Variants in DIP2C observed in about 807,000 individuals in gnomAD.
DIP2C encodes the protein disco-interacting protein 2 homolog C.
A neutral mutation model predicts 192.4 loss-of-function variants in DIP2C; 33 were observed. The ratio of observed to expected loss-of-function variants is 0.17; its 90% confidence interval spans 0.13 to 0.23. The LOEUF (loss-of-function observed/expected upper bound fraction) is 0.23. Among genes scored for constraint, DIP2C ranks in the 10% least tolerant of loss-of-function variants. The pLI is 1.00. For synonymous variants in DIP2C, 979 were observed against 864.1 expected, an observed-to-expected ratio of 1.13 and a Z score of -2.33; for missense variants, 1,537 against 2,110.1, an observed-to-expected ratio of 0.73 and a Z score of 5.32.
rs1485548791 is a variant in DIP2C at position 638,580 on chromosome 10, G to A, written c.85+50914C>T. ...AAGACATAACATAAATAAGTGCATCGCCTCAAGCACTATCACCTAGAACTT... is the reference window on the plus strand; with the variant it reads ...AAGACATAACATAAATAAGTGCATCACCTCAAGCACTATCACCTAGAACTT... On this transcript the variant is annotated intron_variant, in intron 1 of 36. Coordinates refer to ENST00000280886, the MANE Select transcript of DIP2C (RefSeq NM_014974.3). 3.3e-5 allele frequency among the ~76,000 whole-genome samples: 5 copies of A among 152,116 alleles called. No individual in the cohort carries two copies. The East Asian group carries it at 9.6e-4, about 29-fold the overall frequency.
At chr10:548,217 C>CCCCCCCA (rs1554897846) in intron 1 of DIP2C, among the ~76,000 whole-genome samples, 1 of 129,732 alleles carries the variant, frequency 7.7e-6, no homozygotes. Flanking sequence ...CACCCCCCCC[C>CCCCCCCA]CCACAGGAAA....
intron 2 of DIP2C, among the ~76,000 whole-genome samples, chr10:477,757 G>A (rs115833162): frequency 0.02 from 2,020 of 100,512 alleles, 61 homozygotes; most frequent in African/African-American, 0.057. Flanking sequence ...AAGAAAAGGA[G>A]AGAGAAGAAA....
At chr10:489,160 A>C (rs1844241721) in intron 1 of DIP2C, among the ~76,000 whole-genome samples, 1 of 152,132 alleles carries the variant, frequency 6.6e-6, no homozygotes, top group Non-Finnish European at 1.5e-5. Flanking sequence ...CATGGCTCAC[A>C]AACTCCTGCT....
chr10:623,209 G>A (rs1218690878), intron 1 of DIP2C, among the ~76,000 whole-genome samples: 1 of 151,588 alleles, frequency 6.6e-6, no homozygotes. Context: ...AGATGGATGT[G>A]TGCCGAGGGG....
rs752496421 is a variant in DIP2C at position 363,438 on chromosome 10, G to A, written c.2478-127C>T. Reference sequence around the variant, plus strand: ...CTCCAACTACGACTTCAAAACGGCCGCTGTACTTCCGAATTTCCCCACACT... The same window carrying A: ...CTCCAACTACGACTTCAAAACGGCCACTGTACTTCCGAATTTCCCCACACT... On this transcript the variant is annotated intron_variant, in intron 20 of 36. Coordinates refer to ENST00000280886, the MANE Select transcript of DIP2C (RefSeq NM_014974.3). The surrounding 1 kb of genome is among the most constrained non-coding windows in gnomAD (Gnocchi z 5.4). The A allele has an allele frequency of 1.4e-5, 11 of 759,734 alleles. No homozygotes were observed. Among genetic ancestry groups the A allele is most frequent in the Non-Finnish European group, 2.2e-5 (10 of 463,708 alleles). 47.1% of individuals were successfully genotyped at this position (759,734 alleles called of 1,614,324 possible).
At chr10:611,046 G>A (rs1359912952) in intron 1 of DIP2C, among the ~76,000 whole-genome samples, 1 of 151,670 alleles carries the variant, frequency 6.6e-6, no homozygotes, top group African/African-American at 2.4e-5. Flanking sequence ...GACTCACGGG[G>A]GTGCTTTCTA....
chr10:592,723 C>T (rs1394429128), intron 1 of DIP2C, among the ~76,000 whole-genome samples: 1 of 152,098 alleles, frequency 6.6e-6, no homozygotes, highest in African/African-American at 2.4e-5. Flanking sequence ...TATGAAAATT[C>T]TAAAAATGTG....
At chr10:659,397 T>C (rs1316764707) in intron 1 of DIP2C, among the ~76,000 whole-genome samples, 1 of 152,202 alleles carries the variant, frequency 6.6e-6, no homozygotes, top group East Asian at 1.9e-4. Context: ...CACATACATA[T>C]ATACACCCCT....
chr10:291,458 C>T (rs1955494204), intron 32 of DIP2C, among the ~76,000 whole-genome samples: 1 of 152,226 alleles, frequency 6.6e-6, no homozygotes, highest in Non-Finnish European at 1.5e-5. Context: ...ACAATATCCA[C>T]ACAGCCAAGA....
chr10:531,317 G>A lies in DIP2C; in HGVS notation c.86-44787C>T, dbSNP rs1369225070. The stretch of plus-strand genomic sequence containing the variant: ...TCCACGAACCTGATGAACACACACA[G>A]CGAACAAACTCCCGTGTGTTTAAAT... On this transcript the variant is annotated intron_variant, in intron 1 of 36. Transcript: ENST00000280886. Among the ~76,000 whole-genome samples, 5 of 152,034 alleles carry A rather than the reference G, an allele frequency of 3.3e-5. No homozygotes were observed. The East Asian group carries it at 9.7e-4, about 29-fold the overall frequency.
At chr10:367,222 C>T (rs1960356571) in intron 18 of DIP2C, among the ~76,000 whole-genome samples, 1 of 152,126 alleles carries the variant, frequency 6.6e-6, no homozygotes, top group African/African-American at 2.4e-5. Flanking sequence ...TCGAGACCAT[C>T]CTGGCTAACA....
At chr10:365,746 G>A (rs759698116) in intron 19 of DIP2C, among the ~76,000 whole-genome samples, 80 of 152,276 alleles carry the variant, frequency 5.3e-4, no homozygotes, top group South Asian at 1.2e-3. Context: ...CATTACACAC[G>A]CATCTGTGTA....
chr10:610,646 C>A (rs932720580), intron 1 of DIP2C, among the ~76,000 whole-genome samples: 2 of 152,248 alleles, frequency 1.3e-5, no homozygotes, highest in Admixed American at 1.3e-4. Context: ...GGGAGCCAGA[C>A]ATGGTGTGGC....
At position 476,720 on chromosome 10, in the gene DIP2C, C is replaced by T. The variant is rs200956513; in HGVS notation, c.158-4171G>A. 2.2e-4 allele frequency among the ~76,000 whole-genome samples: 33 copies of T among 152,254 alleles called. 1 individual carries two copies. The East Asian group carries it at 5.6e-3, about 26-fold the overall frequency. On this transcript the variant is annotated intron_variant, in intron 2 of 36. Transcript: ENST00000280886. ...TTCTCCTGGTACCTGCAGTGGTGTCCAGAGCCTCAATCTCTGTTACAAGAA... is the reference window on the plus strand; with the variant it reads ...TTCTCCTGGTACCTGCAGTGGTGTCTAGAGCCTCAATCTCTGTTACAAGAA...
At chr10:621,862 T>C (rs1365375162) in intron 1 of DIP2C, among the ~76,000 whole-genome samples, 1 of 152,120 alleles carries the variant, frequency 6.6e-6, no homozygotes, top group Non-Finnish European at 1.5e-5. Context: ...GAGGATGTCA[T>C]TCGCTGATAA....
intron 1 of DIP2C, among the ~76,000 whole-genome samples, chr10:525,996 C>T (rs186085502): frequency 8.3e-4 from 126 of 152,356 alleles, no homozygotes; most frequent in African/African-American, 3.0e-3. Context: ...AACCCCCGCA[C>T]ACCACCTCCT....
intron 17 of DIP2C, among the ~76,000 whole-genome samples, chr10:370,750 C>T (rs1383369039): frequency 6.6e-6 from 1 of 152,212 alleles, no homozygotes; most frequent in African/African-American, 2.4e-5. Flanking sequence ...ATTTATAAAT[C>T]TTTAACGCAC....
Position 422,870 on chromosome 10 carries a change from G to A in DIP2C, c.558C>T (p.Ser186=), listed in dbSNP as rs566293462. Reference sequence around the variant, plus strand: ...CGTCCGCCAGCCTGTGGGCAGCCCCGCTGCCCCCGCTCTGCGTAGAGGACG... The same window carrying A: ...CGTCCGCCAGCCTGTGGGCAGCCCCACTGCCCCCGCTCTGCGTAGAGGACG... The part of the protein sequence containing the change: ...TSSSSTQSGG[S]GAAHRLADVM... The change falls in exon 5 of 37, where the codon AGC becomes AGT. Residue 186 remains serine (S), a synonymous_variant. Transcript: ENST00000280886. The A allele has an allele frequency of 4.5e-4, 723 of 1,613,154 alleles. 8 individuals carry two copies. The South Asian group carries it at 7.3e-3, about 16-fold the overall frequency.
At position 515,878 on chromosome 10, in the gene DIP2C, C is replaced by T. The variant is rs567708703; in HGVS notation, c.86-29348G>A. Among the ~76,000 whole-genome samples, 108 of 152,198 alleles carry T rather than the reference C, an allele frequency of 7.1e-4. 1 individual carries two copies. The highest frequency in any genetic ancestry group is 1.2e-3 in the Non-Finnish European group (80 of 68,020). On this transcript the variant is annotated intron_variant, in intron 1 of 36. Coordinates refer to ENST00000280886, the MANE Select transcript of DIP2C (RefSeq NM_014974.3). ...CTCTAAACACTATGGTAAACACCTG[C>T]CATCAACCCACAGAAACTCCTGGGA... is the stretch of plus-strand genomic sequence containing the variant.
Sources: allele counts gnomAD v4.1 joint callset (sites outside exome capture counted in the v4.1 genomes callset), GRCh38; gene constraint gnomAD v4.1.1; non-coding constraint Gnocchi (gnomAD v3.1); transcripts MANE v1.5; gene names NCBI Gene and HGNC (gene_info 2026-07-23, HGNC 2026-07-21).